CACNA2D1: variants seen among roughly 807,000 people sequenced by gnomAD.
The protein encoded by CACNA2D1 is voltage-dependent calcium channel subunit alpha-2/delta-1.
Under a neutral mutation model 171.5 loss-of-function variants are expected in CACNA2D1, and 53 were observed. The observed-to-expected ratio is 0.31, with a 90% CI of 0.25 to 0.39. The LOEUF (loss-of-function observed/expected upper bound fraction) is 0.39. Among genes scored for constraint, CACNA2D1 ranks in the 10% least tolerant of loss-of-function variants. CACNA2D1 has a pLI of 1.00. For missense variants in CACNA2D1, 903 were observed against 1,299.8 expected, an observed-to-expected ratio of 0.69 and a Z score of 4.69; for synonymous variants, 442 against 443.1, an observed-to-expected ratio of 1.00 and a Z score of 0.03.
chr7:82,193,453 G>A (rs1051555382), intron 3 of CACNA2D1, among the ~76,000 whole-genome samples: 3 of 152,030 alleles, frequency 2.0e-5, no homozygotes, highest in African/African-American at 2.4e-5. Flanking sequence ...TTTGAGATGC[G>A]TGGGTTTGTG....
intron 6 of CACNA2D1, among the ~76,000 whole-genome samples, chr7:82,114,935 A>G (rs1788870819): frequency 6.6e-6 from 1 of 152,324 alleles, no homozygotes; most frequent in African/African-American, 2.4e-5. Context: ...CAAAGCTATT[A>G]GAAAATCACT....
chr7:82,213,097 C>T (rs1800741677), intron 3 of CACNA2D1, among the ~76,000 whole-genome samples: 1 of 152,074 alleles, frequency 6.6e-6, no homozygotes, highest in Non-Finnish European at 1.5e-5. Flanking sequence ...GACGGGGTTT[C>T]ACCATGTTGA....
At chr7:82,071,706 T>C (rs1808336613) in intron 7 of CACNA2D1, among the ~76,000 whole-genome samples, 1 of 152,124 alleles carries the variant, frequency 6.6e-6, no homozygotes, top group African/African-American at 2.4e-5. Flanking sequence ...CAATATGCAT[T>C]TCCTCCTCCT....
chr7:82,036,637 C>A (rs370485118), intron 11 of CACNA2D1, among the ~76,000 whole-genome samples: 16 of 152,300 alleles, frequency 1.1e-4, no homozygotes, highest in African/African-American at 3.4e-4. Flanking sequence ...GCACTCAGAG[C>A]AGCTGGTCCT....
chr7:82,010,186 T>C lies in CACNA2D1; in HGVS notation c.1362+1968A>G, dbSNP rs548094556. 3.7e-4 allele frequency among the ~76,000 whole-genome samples: 56 copies of C among 152,222 alleles called. No homozygotes were observed. In the South Asian group the frequency reaches 0.011, roughly 30 times the overall value. ...CTTTTTCTCATTATATCCATTATATTTCGTTTTGAAATATATTTACCTTTT... is the reference window on the plus strand; with the variant it reads ...CTTTTTCTCATTATATCCATTATATCTCGTTTTGAAATATATTTACCTTTT... On this transcript the variant is annotated intron_variant, in intron 15 of 38. Coordinates refer to ENST00000356860, the MANE Select transcript of CACNA2D1 (RefSeq NM_000722.4).
intron 3 of CACNA2D1, among the ~76,000 whole-genome samples, chr7:82,256,016 C>G (rs1030091248): frequency 2.0e-5 from 3 of 152,150 alleles, no homozygotes; most frequent in African/African-American, 7.2e-5. Context: ...GTGGCTCACA[C>G]CTGTAATCCC....
intron 8 of CACNA2D1, among the ~76,000 whole-genome samples, chr7:82,064,694 T>A (rs1807390830): frequency 2.0e-5 from 3 of 152,096 alleles, no homozygotes; most frequent in Admixed American, 2.0e-4. Flanking sequence ...AAAGTCACTT[T>A]AATGAAAAAT....
At chr7:82,266,439 C>T (rs1277043501) in intron 3 of CACNA2D1, among the ~76,000 whole-genome samples, 1 of 152,150 alleles carries the variant, frequency 6.6e-6, no homozygotes, top group Non-Finnish European at 1.5e-5. Flanking sequence ...TGGAAATCAA[C>T]TCATAAGAAG....
chr7:81,953,694 ATTAAC>A (rs1333168906), intron 38 of CACNA2D1, among the ~76,000 whole-genome samples: 1 of 152,196 alleles, frequency 6.6e-6, no homozygotes, highest in African/African-American at 2.4e-5. Flanking sequence ...ACTATGAGGT[ATTAAC>A]TTAAAGAAGT....
At chr7:82,363,254 C>CTCTTTTTTT (rs1821286522) in intron 1 of CACNA2D1, among the ~76,000 whole-genome samples, 4 of 63,420 alleles carry the variant, frequency 6.3e-5, no homozygotes, top group African/African-American at 2.5e-4. Context: ...TTATTTGTCT[C>CTCTTTTTTT]TTTTTTTTTT....
intron 1 of CACNA2D1, among the ~76,000 whole-genome samples, chr7:82,411,895 T>TCTCACACACACACACA (rs1554548045): frequency 0.015 from 2,217 of 144,838 alleles, 50 homozygotes; most frequent in Admixed American, 0.061. Flanking sequence ...AAACTAAATC[T>TCTCACACACACACACA]CACACACACA....
At chr7:82,433,524 T>A in intron 1 of CACNA2D1, among the ~76,000 whole-genome samples, 1 of 152,236 alleles carries the variant, frequency 6.6e-6, no homozygotes, top group East Asian at 1.9e-4. Flanking sequence ...TCCAACCATC[T>A]GCTTTAATTC....
chr7:82,205,125 T>A (rs915500125), intron 3 of CACNA2D1, among the ~76,000 whole-genome samples: 3 of 152,074 alleles, frequency 2.0e-5, no homozygotes, highest in African/African-American at 7.2e-5. Flanking sequence ...ATGTCAAAAC[T>A]CCCTATGATT....
intron 1 of CACNA2D1, among the ~76,000 whole-genome samples, chr7:82,382,189 G>A (rs2299185): frequency 0.34 from 51,985 of 152,012 alleles, 11,536 homozygotes; most frequent in African/African-American, 0.63. Context: ...AAATAACTGC[G>A]TATAGGAATT....
At chr7:82,169,257 A>G (rs970689841) in intron 4 of CACNA2D1, among the ~76,000 whole-genome samples, 2 of 152,008 alleles carry the variant, frequency 1.3e-5, no homozygotes, top group African/African-American at 2.4e-5. Flanking sequence ...TAGCTTAATC[A>G]TTGATTTTTT....
intron 4 of CACNA2D1, among the ~76,000 whole-genome samples, chr7:82,147,024 T>C (rs1324776237): frequency 1.8e-5 from 2 of 113,722 alleles, no homozygotes; most frequent in Non-Finnish European, 1.8e-5. Flanking sequence ...AAAGCAGCTA[T>C]TAGAAATTCT....
chr7:82,059,965 G>C (rs1356468388), intron 10 of CACNA2D1, among the ~76,000 whole-genome samples: 2 of 73,230 alleles, frequency 2.7e-5, no homozygotes, highest in African/African-American at 5.0e-5. Context: ...ATGGACACAG[G>C]AAGGGGAACA....
chr7:82,315,185 G>A (rs1417071789), intron 3 of CACNA2D1, among the ~76,000 whole-genome samples: 4 of 151,946 alleles, frequency 2.6e-5, no homozygotes, highest in Non-Finnish European at 5.9e-5. Flanking sequence ...TCTTAAAGTT[G>A]TATCAATTGG....
At chr7:82,419,751 A>T (rs1043152815) in intron 1 of CACNA2D1, among the ~76,000 whole-genome samples, 1 of 152,242 alleles carries the variant, frequency 6.6e-6, no homozygotes, top group African/African-American at 2.4e-5. Flanking sequence ...GATTATGAGA[A>T]TCAGCCAGAA....
Sources: allele counts gnomAD v4.1 joint callset (sites outside exome capture counted in the v4.1 genomes callset), GRCh38; gene constraint gnomAD v4.1.1; transcripts MANE v1.5; gene names NCBI Gene and HGNC (gene_info 2026-07-23, HGNC 2026-07-21).